The following RMST variants were observed in gnomAD, a reference collection of about 807,000 sequenced individuals.
The protein encoded by RMST is long intergenic non-protein coding RNA 54.
intron 11 of RMST, chr12:97,533,140 C>G (rs933009167): frequency 4.6e-5 from 7 of 151,534 alleles, no homozygotes; most frequent in Non-Finnish European, 7.4e-5. Flanking sequence ...AGGAAGAGTC[C>G]CAAGCACTAC....
chr12:97,500,934 C>A (rs560992761), intron 10 of RMST, among the ~76,000 whole-genome samples: 7 of 152,308 alleles, frequency 4.6e-5, no homozygotes, highest in South Asian at 4.1e-4. Flanking sequence ...CCCAGACATA[C>A]AAGACACAAA....
intron 5 of RMST, among the ~76,000 whole-genome samples, chr12:97,490,781 T>C (rs1015839305): frequency 2.0e-5 from 3 of 152,316 alleles, no homozygotes; most frequent in African/African-American, 7.2e-5. Context: ...TGAATGGTAA[T>C]TTAAAAAACT....
At chr12:97,560,486 G>A (rs1017789184) in intron 11 of RMST, 4 of 152,162 alleles carry the variant, frequency 2.6e-5, no homozygotes, top group Non-Finnish European at 5.9e-5. Flanking sequence ...GAGCAAGACT[G>A]TTGTGTGAAG....
At chr12:97,495,667 G>A (rs1018816419) in intron 9 of RMST, among the ~76,000 whole-genome samples, 4 of 152,046 alleles carry the variant, frequency 2.6e-5, no homozygotes, top group African/African-American at 9.7e-5. Context: ...GTTAAGTATA[G>A]CTTATGATTT....
At chr12:97,482,283 C>T (rs1733047021) in intron 5 of RMST, among the ~76,000 whole-genome samples, 1 of 152,272 alleles carries the variant, frequency 6.6e-6, no homozygotes. Context: ...TATGAATACT[C>T]TTCTCTTCTG....
chr12:97,465,863 A>G (rs1873124893), intron 5 of RMST: 1 of 152,292 alleles, frequency 6.6e-6, no homozygotes, highest in South Asian at 2.1e-4. Flanking sequence ...TTTAAAGAGA[A>G]GAGCTTAGAG....
At chr12:97,470,276 C>T (rs1047862740) in intron 5 of RMST, among the ~76,000 whole-genome samples, 2 of 152,098 alleles carry the variant, frequency 1.3e-5, no homozygotes, top group Non-Finnish European at 2.9e-5. Context: ...GTGTGCCCAA[C>T]TGACATACTG....
intron 10 of RMST, among the ~76,000 whole-genome samples, chr12:97,525,255 AC>A (rs1349662130): frequency 3.9e-5 from 6 of 152,240 alleles, no homozygotes; most frequent in Admixed American, 2.0e-4. Flanking sequence ...AACTCAATCA[AC>A]AAATGGTTTT....
At chr12:97,490,960 C>T (rs1876729430) in intron 5 of RMST, among the ~76,000 whole-genome samples, 2 of 152,132 alleles carry the variant, frequency 1.3e-5, no homozygotes, top group African/African-American at 4.8e-5. Context: ...ATGAGCTACT[C>T]CCATTTGCAA....
chr12:97,522,183 C>T (rs1880580709), intron 10 of RMST, among the ~76,000 whole-genome samples: 1 of 152,182 alleles, frequency 6.6e-6, no homozygotes, highest in South Asian at 2.1e-4. Flanking sequence ...ATTGATATAA[C>T]TCCCAGGTAA....
chr12:97,486,478 T>A (rs1435098200), intron 5 of RMST, among the ~76,000 whole-genome samples: 1 of 152,232 alleles, frequency 6.6e-6, no homozygotes, highest in Non-Finnish European at 1.5e-5. Flanking sequence ...AAAGTAGGGC[T>A]GATCTAGAGA....
intron 5 of RMST, among the ~76,000 whole-genome samples, chr12:97,481,674 A>G (rs1037964528): frequency 6.6e-6 from 1 of 152,198 alleles, no homozygotes; most frequent in Non-Finnish European, 1.5e-5. Flanking sequence ...GGCAGAATTA[A>G]ATTGCAGCAT....
At chr12:97,491,414 A>G (rs893439814) in intron 5 of RMST, among the ~76,000 whole-genome samples, 3 of 152,208 alleles carry the variant, frequency 2.0e-5, no homozygotes, top group African/African-American at 7.2e-5. Context: ...GAATGCACCC[A>G]TGGATGTTAC....
intron 13 of RMST, among the ~76,000 whole-genome samples, chr12:97,561,907 C>CA (rs1338263536): frequency 6.6e-6 from 1 of 151,996 alleles, no homozygotes; most frequent in Non-Finnish European, 1.5e-5. Flanking sequence ...TCAATAATAA[C>CA]ATTCTTCTTT....
chr12:97,552,246 G>T (rs905530300), intron 11 of RMST: 1 of 152,164 alleles, frequency 6.6e-6, no homozygotes, highest in African/African-American at 2.4e-5. Context: ...TAATAAGCCA[G>T]CTTGATGTTT....
chr12:97,544,505 T>A (rs549325929), intron 11 of RMST, among the ~76,000 whole-genome samples: 1 of 152,150 alleles, frequency 6.6e-6, no homozygotes, highest in South Asian at 2.1e-4. Flanking sequence ...ACGTTCAATG[T>A]AATGGCTAAG....
chr12:97,512,645 T>C lies in RMST; in HGVS notation n.1340+16589T>C, dbSNP rs1018585931. On this transcript the variant is annotated intron_variant and non_coding_transcript_variant, in intron 10 of 13. Transcript: ENST00000640149. ...CCTTGAGCTAGATACAGAGTGCCCA[T>C]TGGTGTATTTACAATCCCTTAGCTA... Among the ~76,000 whole-genome samples the C allele has an allele frequency of 3.3e-5, 5 of 152,320 alleles. No individual in the cohort carries two copies. In the East Asian group the frequency reaches 5.8e-4, roughly 18 times the overall value.
In RMST at chr12:97,516,773, GA is replaced by G. The variant is rs200191849; in HGVS notation, n.1341-13874del. Among the ~76,000 whole-genome samples, 467 of 151,566 alleles carry G rather than the reference GA, an allele frequency of 3.1e-3. 2 individuals are homozygous for G. Among genetic ancestry groups the G allele is most frequent in the African/African-American group, 0.01 (420 of 41,424 alleles). The stretch of plus-strand genomic sequence containing the variant: ...TTTAGAAATTGCTATATAGGCTATA[GA>G]AAAAAAATCCATCTTTATATTACAT... On this transcript the variant is annotated intron_variant and non_coding_transcript_variant, in intron 10 of 13. Coordinates refer to ENST00000640149, the Ensembl canonical transcript of RMST.
At chr12:97,507,456 A>G (rs1328708167) in intron 10 of RMST, among the ~76,000 whole-genome samples, 2 of 152,168 alleles carry the variant, frequency 1.3e-5, no homozygotes, top group Non-Finnish European at 2.9e-5. Flanking sequence ...TAGATTCAAT[A>G]AACATTTTTG....
Sources: allele counts gnomAD v4.1 joint callset (sites outside exome capture counted in the v4.1 genomes callset), GRCh38; gene constraint gnomAD v4.1.1; transcripts MANE v1.5; gene names NCBI Gene and HGNC (gene_info 2026-07-23, HGNC 2026-07-21).